Variants in GPC6 observed in about 807,000 individuals in gnomAD.
GPC6 encodes glypican-6.
GPC6 carries 14 observed loss-of-function variants against 55.2 expected under a neutral mutation model. The ratio of observed to expected loss-of-function variants is 0.25; its 90% CI spans 0.17 to 0.40. GPC6 has a LOEUF of 0.40. Ranked by LOEUF, GPC6 falls within the 10% of genes least tolerant of loss-of-function variation. The probability of loss-of-function intolerance (pLI) is 1.00; values close to 1 mark genes in which losing one functional copy is unlikely to be tolerated. For synonymous variants in GPC6, 278 were observed against 259.6 expected, an observed-to-expected ratio of 1.07 and a Z score of -0.68; for missense variants, 641 against 708.5, an observed-to-expected ratio of 0.90 and a Z score of 1.08.
chr13:93,369,760 G>A (rs1454408765), intron 1 of GPC6, among the ~76,000 whole-genome samples: 1 of 151,892 alleles, frequency 6.6e-6, no homozygotes, highest in East Asian at 1.9e-4. Context: ...TCTATAAGGA[G>A]GAATGAAAAT....
intron 4 of GPC6, among the ~76,000 whole-genome samples, chr13:94,257,287 A>G (rs1891535336): frequency 6.6e-6 from 1 of 152,260 alleles, no homozygotes; most frequent in African/African-American, 2.4e-5. Flanking sequence ...TCCTAGGCCC[A>G]AAGCACACAG....
At chr13:94,011,864 T>C (rs762148089) in intron 3 of GPC6, among the ~76,000 whole-genome samples, 5 of 152,206 alleles carry the variant, frequency 3.3e-5, no homozygotes, top group South Asian at 4.1e-4. Flanking sequence ...ATCATTCATT[T>C]TCATTATAGC....
chr13:94,128,059 T>C (rs1173443140), intron 4 of GPC6, among the ~76,000 whole-genome samples: 1 of 152,206 alleles, frequency 6.6e-6, no homozygotes, highest in East Asian at 1.9e-4. Flanking sequence ...TATCATGATG[T>C]ATTCTTTCCA....
intron 7 of GPC6, among the ~76,000 whole-genome samples, chr13:94,386,483 A>C (rs1880416221): frequency 6.6e-6 from 1 of 150,804 alleles, no homozygotes; most frequent in South Asian, 2.1e-4. Flanking sequence ...TTAACTACTC[A>C]GAAGGCTGAG....
rs201532744 is a variant in GPC6 at position 93,893,535 on chromosome 13, A to G, written c.711+62990A>G. On this transcript the variant is annotated intron_variant, in intron 3 of 8. Coordinates refer to ENST00000377047, the MANE Select transcript of GPC6 (RefSeq NM_005708.5). ...ACAGACATGAGCCACGTGCCAGCCA[A>G]CAAGGATGTTATTTAACCCTCTTGT... is the stretch of plus-strand genomic sequence containing the variant. Among the ~76,000 whole-genome samples, 4 of 152,194 alleles carry G rather than the reference A, an allele frequency of 2.6e-5. No homozygotes were observed. In the East Asian group the frequency reaches 5.8e-4, roughly 22 times the overall value.
At chr13:93,780,632 A>C (rs1025694084) in intron 2 of GPC6, among the ~76,000 whole-genome samples, 82 of 130,746 alleles carry the variant, frequency 6.3e-4, no homozygotes, top group African/African-American at 1.8e-3. Context: ...CACACACACA[A>C]AATAAAATTT....
At chr13:94,276,090 C>G (rs962093629) in intron 4 of GPC6, among the ~76,000 whole-genome samples, 1 of 152,146 alleles carries the variant, frequency 6.6e-6, no homozygotes, top group Non-Finnish European at 1.5e-5. Context: ...CTTTATCCAA[C>G]AGATTTATTT....
intron 3 of GPC6, among the ~76,000 whole-genome samples, chr13:93,874,546 G>T (rs1462330982): frequency 6.7e-6 from 1 of 149,562 alleles, no homozygotes; most frequent in East Asian, 2.0e-4. Context: ...TGTATCCCAG[G>T]GCTTCTCATT....
intron 1 of GPC6, among the ~76,000 whole-genome samples, chr13:93,260,310 C>T (rs891997222): frequency 7.9e-5 from 12 of 151,980 alleles, no homozygotes; most frequent in East Asian, 3.9e-4. Context: ...TTGGCCATCA[C>T]GTAAAAATAA....
At chr13:93,769,063 C>T (rs1885210728) in intron 2 of GPC6, among the ~76,000 whole-genome samples, 1 of 152,124 alleles carries the variant, frequency 6.6e-6, no homozygotes, top group Non-Finnish European at 1.5e-5. Flanking sequence ...AAAGAAGTTT[C>T]TAAATTCTGT....
rs1875918607 is a variant in GPC6, at chr13:94,305,924, G to A, written c.1009-56G>A. 3.2e-6 allele frequency: 5 copies of A among 1,555,950 alleles called. No individual in the cohort carries two copies. In the African/African-American group the frequency reaches 6.8e-5, roughly 21 times the overall value. On this transcript the variant is annotated intron_variant, in intron 5 of 8. Transcript: ENST00000377047. ...ATTGCATTGCACATTTCTGCTTCAT[G>A]AATTTAGGAGAAAACTCATTGTATA...
chr13:93,265,692 T>A (rs964767439), intron 1 of GPC6, among the ~76,000 whole-genome samples: 10 of 152,252 alleles, frequency 6.6e-5, no homozygotes, highest in Admixed American at 6.5e-4. Context: ...TATGTGTATA[T>A]GTCTATTTCA....
intron 6 of GPC6, among the ~76,000 whole-genome samples, chr13:94,337,315 G>A (rs1042732600): frequency 7.9e-5 from 12 of 152,150 alleles, no homozygotes; most frequent in Admixed American, 5.2e-4. Context: ...AAGGGCCATC[G>A]TCAAATAAAA....
At chr13:94,295,972 T>G (rs1594141845) in intron 5 of GPC6, among the ~76,000 whole-genome samples, 1 of 151,808 alleles carries the variant, frequency 6.6e-6, no homozygotes, top group East Asian at 1.9e-4. Context: ...ACAGGGACCT[T>G]GAAACATCGT....
At chr13:93,743,198 G>T (rs914016478) in intron 2 of GPC6, among the ~76,000 whole-genome samples, 1 of 152,102 alleles carries the variant, frequency 6.6e-6, no homozygotes, top group African/African-American at 2.4e-5. Context: ...GAAAGATCTT[G>T]GTATGTGAGA....
intron 1 of GPC6, among the ~76,000 whole-genome samples, chr13:93,473,991 C>T (rs1226099969): frequency 1.3e-5 from 2 of 152,216 alleles, no homozygotes; most frequent in Non-Finnish European, 2.9e-5. Context: ...GTTCCCCCTG[C>T]TGCCATCACT....
At chr13:94,180,694 A>G (rs1346157052) in intron 4 of GPC6, among the ~76,000 whole-genome samples, 1 of 152,202 alleles carries the variant, frequency 6.6e-6, no homozygotes, top group African/African-American at 2.4e-5. Flanking sequence ...CTCCTTCAAA[A>G]TAAAATAATC....
chr13:94,037,134 G>C (rs1883367233), intron 4 of GPC6, among the ~76,000 whole-genome samples: 1 of 151,948 alleles, frequency 6.6e-6, no homozygotes, highest in Non-Finnish European at 1.5e-5. Context: ...AATTATTACA[G>C]AGCACTTGGA....
At chr13:93,430,362 C>T (rs997804026) in intron 1 of GPC6, among the ~76,000 whole-genome samples, 1 of 151,920 alleles carries the variant, frequency 6.6e-6, no homozygotes, top group Non-Finnish European at 1.5e-5. Context: ...TTTGAAAGTG[C>T]AAATTGAGAG....
Sources: allele counts gnomAD v4.1 joint callset (sites outside exome capture counted in the v4.1 genomes callset), GRCh38; gene constraint gnomAD v4.1.1; transcripts MANE v1.5; gene names NCBI Gene and HGNC (gene_info 2026-07-23, HGNC 2026-07-21).